KRT26: variants seen among roughly 807,000 people sequenced by gnomAD.
KRT26 encodes the protein keratin 26.
A neutral mutation model predicts 46.1 loss-of-function variants in KRT26; 45 were observed. The ratio of observed to expected loss-of-function variants is 0.98; its 90% CI spans 0.77 to 1.25. KRT26 has a LOEUF of 1.25. Among genes scored for constraint, KRT26 ranks in the 50% most tolerant of loss-of-function variants. The probability of loss-of-function intolerance (pLI) is 0.00; values close to 1 mark genes in which losing one functional copy is unlikely to be tolerated. For synonymous variants in KRT26, 191 were observed against 209.9 expected (o/e 0.91, Z 0.78); for missense variants, 582 against 560.1 (o/e 1.04, Z -0.39).
At chr17:40,772,175 C>T (rs1359685633), upstream of KRT26, 19 of 1,384,690 alleles carry the variant, frequency 1.4e-5, no homozygotes, top group Non-Finnish European at 1.9e-5. Flanking sequence ...GTTCACCTTC[C>T]ACACTTGTTA....
chr17:40,769,966 C>T (rs374449231), exon 4 of KRT26: 21 of 1,614,028 alleles, frequency 1.3e-5, no homozygotes, highest in East Asian at 4.5e-5. Flanking sequence ...CCTACCCTCT[C>T]GTTGAACCAG....
At chr17:40,766,518 T>C (rs894462274) in exon 8 of KRT26, 1 of 1,586,444 alleles carries the variant, frequency 6.3e-7, no homozygotes, top group African/African-American at 1.4e-5. Context: ...TTCCTCATTA[T>C]GGTGCTTTAG....
rs909647797 is a variant in KRT26, at chr17:40,768,984, G to A, written c.1082C>T (p.Thr361Ile). ...CTCCAGCTTCTGGCCTTCTGTTTCTGTTCGAATCTGTTGCAGTTGTTCCTC... is the reference window on the plus strand; with the variant it reads ...CTCCAGCTTCTGGCCTTCTGTTTCTATTCGAATCTGTTGCAGTTGTTCCTC... The change falls in exon 6 of 8, where the codon ACA becomes ATA. Residue 361 changes from threonine (T) to isoleucine (I), a missense_variant. Coordinates refer to ENST00000335552, the Ensembl canonical transcript of KRT26. 3 of 1,612,766 alleles carry A rather than the reference G, an allele frequency of 1.9e-6. No homozygotes were observed. In the South Asian group the frequency reaches 3.3e-5, roughly 18 times the overall value.
At chr17:40,771,641 G>T in intron 1 of KRT26, 32 bp downstream of exon 1, 1 of 1,542,732 alleles carries the variant, frequency 6.5e-7, no homozygotes. Context: ...CACAAAGTCT[G>T]TAGTAAAAGT....
chr17:40,766,582 A>C (rs1343714559), exon 8 of KRT26: 4 of 1,613,270 alleles, frequency 2.5e-6, no homozygotes, highest in African/African-American at 1.3e-5. Flanking sequence ...CTTTTCTTCA[A>C]CTGAGTGGAC....
intron 2 of KRT26, 124 bp from the exon 3 acceptor site, chr17:40,770,533 G>A: frequency 3.0e-6 from 2 of 669,266 alleles, no homozygotes; most frequent in South Asian, 4.9e-5. Context: ...TTCTTGCAAT[G>A]GCAAACTGCT....
At position 40,767,442 on chromosome 17, in the gene KRT26, G is replaced by T. The variant is rs2144143012; in HGVS notation, c.1255+144C>A. Reference sequence around the variant, plus strand: ...CGGGAATATAAAATACAAATATTAAGAACTATCATAATGACCCCTCATCCC... The same window carrying T: ...CGGGAATATAAAATACAAATATTAATAACTATCATAATGACCCCTCATCCC... On this transcript the variant is annotated intron_variant, in intron 7 of 7. Transcript: ENST00000335552. The T allele has an allele frequency of 6.6e-6, 3 of 451,292 alleles. No individual in the cohort carries two copies. The East Asian group carries it at 1.0e-4, about 15-fold the overall frequency. 28.0% of individuals were successfully genotyped at this position (451,292 alleles called of 1,614,324 possible).
In KRT26 at chr17:40,770,140, A is replaced by G. The variant is rs73985744; in HGVS notation, c.682-18T>C. 6.5e-3 allele frequency: 10,443 copies of G among 1,614,034 alleles called. 74 individuals carry two copies. Among genetic ancestry groups the G allele is most frequent in the Middle Eastern group, 0.05 (301 of 6,062 alleles). On this transcript the variant is annotated intron_variant, in intron 3 of 7. Transcript: ENST00000335552. ...TCCATTTCCTAGAAAAGGGATCGGT[A>G]TTCATCCTCAGTGGAGGATTTTGAT...
intron 1 of KRT26, 109 bp downstream of exon 1, chr17:40,771,555 TACAGAGTGA>T: frequency 1.1e-6 from 1 of 869,674 alleles, no homozygotes; most frequent in Non-Finnish European, 1.8e-6. Context: ...GCACTGGAAA[TACAGAGTGA>T]ACAAATCTTA....
At chr17:40,768,033 A>G (rs896911534) in intron 6 of KRT26, among the ~76,000 whole-genome samples, 1 of 152,242 alleles carries the variant, frequency 6.6e-6, no homozygotes, top group African/African-American at 2.4e-5. Flanking sequence ...AAGTATACAC[A>G]TGCAAAAAGT....
At chr17:40,766,502 A>C in exon 8 of KRT26, 1 of 1,527,808 alleles carries the variant, frequency 6.5e-7, no homozygotes, top group Non-Finnish European at 8.8e-7. Flanking sequence ...CTTTCCAAAT[A>C]ACTTTTTCCT....
intron 7 of KRT26, among the ~76,000 whole-genome samples, chr17:40,767,169 A>G (rs536110730): frequency 6.6e-6 from 1 of 152,340 alleles, no homozygotes; most frequent in Admixed American, 6.5e-5. Flanking sequence ...TTTTAGAGCA[A>G]TGGGCATTTG....
At chr17:40,770,002 C>T in exon 4 of KRT26, 1 of 1,614,192 alleles carries the variant, frequency 6.2e-7, no homozygotes, top group Non-Finnish European at 8.5e-7. Flanking sequence ...CGGTTCTGCT[C>T]AGCCAAGTCC....
At chr17:40,771,096 A>G in intron 2 of KRT26, 58 bp downstream of exon 2, 1 of 1,007,458 alleles carries the variant, frequency 9.9e-7, no homozygotes, top group South Asian at 1.7e-5. Flanking sequence ...ATATTCCTTA[A>G]TCCAATTGTA....
exon 1 of KRT26, chr17:40,772,117 G>T: frequency 2.5e-6 from 4 of 1,612,968 alleles, no homozygotes; most frequent in Admixed American, 1.7e-5. Context: ...AAGACATGGT[G>T]GCAGCACAGC....
At chr17:40,766,770 C>T (rs1292656802) in intron 7 of KRT26, 104 bp from the exon 8 acceptor site, 68 of 759,160 alleles carry the variant, frequency 9.0e-5, no homozygotes, top group African/African-American at 1.8e-4. Flanking sequence ...GAAGGAGTCT[C>T]GCTCTGTCAC....
chr17:40,768,850 T>A lies in KRT26; in HGVS notation c.1187+29A>T. 2.5e-6 allele frequency: 3 copies of A among 1,222,874 alleles called. No individual in the cohort carries two copies. The East Asian group carries it at 7.9e-5, about 32-fold the overall frequency. The allele number at this position is 1,222,874 out of a possible 1,614,324, so 75.8% of individuals were successfully genotyped here. A position where few individuals can be genotyped will look rare whatever the true frequency, so the allele number is the denominator to read the frequency against. Reference sequence around the variant, plus strand: ...GGGAAAACCTAGTTAATGTGAGGTTTTTTTTTTTTTTTGCAAGTTAATCTT... The same window carrying A: ...GGGAAAACCTAGTTAATGTGAGGTTATTTTTTTTTTTTGCAAGTTAATCTT... On this transcript the variant is annotated intron_variant, in intron 6 of 7. Transcript: ENST00000335552.
In KRT26 at chr17:40,771,831, C is replaced by T; in HGVS notation, c.283G>A (p.Ala95Thr). The change falls in exon 1 of 8, where the codon GCA (alanine) becomes ACA (threonine). Residue 95 changes from alanine to threonine, a missense_variant. Physicochemically the swap from Ala to Thr is moderately conservative, Grantham distance 58 (BLOSUM62 0). Coordinates refer to ENST00000335552, the Ensembl canonical transcript of KRT26. Reference sequence around the variant, plus strand: ...GCATGCACATGGTCCAGGTAGGATGCCAGGCGGTCGTTGAGATTCTGCATG... The same window carrying T: ...GCATGCACATGGTCCAGGTAGGATGTCAGGCGGTCGTTGAGATTCTGCATG... The T allele has an allele frequency of 6.2e-7, 1 of 1,613,164 alleles. No homozygotes were observed. The highest frequency in any genetic ancestry group is 8.5e-7 in the Non-Finnish European group (1 of 1,179,768).
At chr17:40,766,258 A>G in exon 8 of KRT26, 1 of 297,708 alleles carries the variant, frequency 3.4e-6, no homozygotes, top group Non-Finnish European at 6.1e-6. Flanking sequence ...AGAATTTTTA[A>G]TGAAATGTCA....
Sources: allele counts gnomAD v4.1 joint callset (sites outside exome capture counted in the v4.1 genomes callset), GRCh38; gene constraint gnomAD v4.1.1; transcripts MANE v1.5; gene names NCBI Gene and HGNC (gene_info 2026-07-23, HGNC 2026-07-21).